CBR4: variants seen among roughly 807,000 people sequenced by gnomAD.
CBR4 encodes 3-oxoacyl-[acyl-carrier-protein] reductase.
In CBR4, 22 loss-of-function variants were observed where a neutral mutation model predicts 21.0. The ratio of observed to expected loss-of-function variants is 1.05; its 90% CI spans 0.75 to 1.50. The LOEUF (loss-of-function observed/expected upper bound fraction) is 1.50, where lower values mean the gene tolerates loss of function less well. Ranked by LOEUF, CBR4 falls within the 40% of genes most tolerant of loss-of-function variation. The pLI is 0.00. For missense variants in CBR4, 302 were observed against 286.3 expected, an observed-to-expected ratio of 1.05 and a Z score of -0.40; for synonymous variants, 100 against 104.4, an observed-to-expected ratio of 0.96 and a Z score of 0.26.
rs1193913979 is a variant in CBR4, at chr4:169,008,828, C to T, written c.143-1072G>A. The T allele has an allele frequency of 2.1e-5, 8 of 373,828 alleles. No homozygotes were observed. In the East Asian group the frequency reaches 3.6e-4, roughly 17 times the overall value. The allele number at this position is 373,828 out of a possible 1,614,324, so 23.2% of individuals were successfully genotyped here. A position where few individuals can be genotyped will look rare whatever the true frequency, so the allele number is the denominator to read the frequency against. On this transcript the variant is annotated intron_variant, in intron 1 of 4. Coordinates refer to ENST00000306193, the MANE Select transcript of CBR4 (RefSeq NM_032783.5). ...GAGCTTCAAGAAGCATTCACTGACACTCTCCCTGACCTATAACTTACAGAA... is the reference window on the plus strand; with the variant it reads ...GAGCTTCAAGAAGCATTCACTGACATTCTCCCTGACCTATAACTTACAGAA...
At chr4:168,954,960 G>A (rs181562155) in intron 2 of CBR4, among the ~76,000 whole-genome samples, 3 of 152,210 alleles carry the variant, frequency 2.0e-5, no homozygotes, top group African/African-American at 4.8e-5. Context: ...AGAATGGTTC[G>A]GAATTAATGA....
At chr4:168,981,889 G>C (rs900549595) in intron 2 of CBR4, among the ~76,000 whole-genome samples, 5 of 152,192 alleles carry the variant, frequency 3.3e-5, no homozygotes, top group African/African-American at 1.2e-4. Flanking sequence ...CACCAGGTCT[G>C]CCTTACAAGA....
intron 2 of CBR4, chr4:168,927,371 G>T (rs1762696402): frequency 4.3e-6 from 1 of 232,822 alleles, no homozygotes; most frequent in Admixed American, 5.6e-5. Flanking sequence ...GGAACCCAGG[G>T]CCAGCTGGAA....
intron 4 of CBR4, among the ~76,000 whole-genome samples, chr4:169,000,234 G>A (rs1348069987): frequency 1.3e-5 from 2 of 152,060 alleles, no homozygotes; most frequent in African/African-American, 2.4e-5. Context: ...AGAGAAAACA[G>A]TGCTAAGATA....
At chr4:168,913,590 T>C (rs1237664251) in intron 2 of CBR4, among the ~76,000 whole-genome samples, 1 of 152,112 alleles carries the variant, frequency 6.6e-6, no homozygotes, top group Non-Finnish European at 1.5e-5. Flanking sequence ...TCCTGCTATA[T>C]TTTACAATTC....
chr4:168,947,993 A>G (rs1763439612), intron 2 of CBR4, among the ~76,000 whole-genome samples: 1 of 152,236 alleles, frequency 6.6e-6, no homozygotes, highest in Non-Finnish European at 1.5e-5. Context: ...CATTCCCACC[A>G]GCAGTGTAGA....
At chr4:168,983,036 T>C (rs544225445), downstream of CBR4, among the ~76,000 whole-genome samples, 29 of 151,682 alleles carry the variant, frequency 1.9e-4, no homozygotes, top group African/African-American at 7.0e-4. Flanking sequence ...ACAAACCAAC[T>C]CCAAAGCTAG....
At chr4:168,992,770 G>GAT (rs544751810) in intron 4 of CBR4, among the ~76,000 whole-genome samples, 1 of 151,892 alleles carries the variant, frequency 6.6e-6, no homozygotes, top group Non-Finnish European at 1.5e-5. Context: ...GTCTACAACA[G>GAT]ATATATATAT....
At chr4:168,930,235 A>G (rs1300744371) in intron 2 of CBR4, among the ~76,000 whole-genome samples, 1 of 152,172 alleles carries the variant, frequency 6.6e-6, no homozygotes, top group Non-Finnish European at 1.5e-5. Flanking sequence ...TTATGCCTCC[A>G]TGAACATTAT....
intron 2 of CBR4, among the ~76,000 whole-genome samples, chr4:168,898,879 AT>A (rs1755838699): frequency 6.6e-6 from 1 of 152,236 alleles, no homozygotes; most frequent in Admixed American, 6.5e-5. Flanking sequence ...TTCAGGAGGC[AT>A]TAGAAACCAA....
intron 2 of CBR4, among the ~76,000 whole-genome samples, chr4:168,967,488 T>C (rs1025815570): frequency 4.6e-5 from 7 of 152,310 alleles, no homozygotes; most frequent in East Asian, 1.9e-4. Context: ...ACATGTACCC[T>C]AGAACTTAAA....
chr4:168,902,205 A>G, intron 2 of CBR4, among the ~76,000 whole-genome samples: 1 of 152,244 alleles, frequency 6.6e-6, no homozygotes. Flanking sequence ...ATACTGATTT[A>G]TATTAAGGAA....
chr4:168,948,047 T>C (rs1763441604), intron 2 of CBR4, among the ~76,000 whole-genome samples: 1 of 152,194 alleles, frequency 6.6e-6, no homozygotes, highest in Non-Finnish European at 1.5e-5. Context: ...CTACTGTTTT[T>C]TGATTTTTTC....
At chr4:168,902,925 C>T (rs72975241) in intron 2 of CBR4, among the ~76,000 whole-genome samples, 371 of 152,156 alleles carry the variant, frequency 2.4e-3, no homozygotes, top group African/African-American at 8.6e-3. Flanking sequence ...ACATGCACCA[C>T]CACACCCAGA....
At chr4:168,906,982 G>A (rs1173019459) in intron 2 of CBR4, among the ~76,000 whole-genome samples, 1 of 152,212 alleles carries the variant, frequency 6.6e-6, no homozygotes, top group Non-Finnish European at 1.5e-5. Flanking sequence ...GGCAGGCCAT[G>A]CAGTACAGGG....
At chr4:168,947,233 C>A (rs1276553562) in intron 2 of CBR4, among the ~76,000 whole-genome samples, 1 of 152,064 alleles carries the variant, frequency 6.6e-6, no homozygotes, top group Non-Finnish European at 1.5e-5. Flanking sequence ...TCTATAGTTT[C>A]TTTTAGTCTA....
chr4:168,904,069 T>A (rs1294016093), intron 2 of CBR4: 7 of 689,466 alleles, frequency 1.0e-5, no homozygotes, highest in Non-Finnish European at 1.5e-5. Flanking sequence ...ATAGAAAAAT[T>A]CTTTGTTTCA....
At chr4:168,957,792 A>C (rs567487860) in intron 2 of CBR4, among the ~76,000 whole-genome samples, 1 of 152,036 alleles carries the variant, frequency 6.6e-6, no homozygotes, top group Non-Finnish European at 1.5e-5. Context: ...CATAATCCCC[A>C]CATGTCGTGG....
chr4:168,986,786 A>T (rs1469720145), downstream of CBR4, among the ~76,000 whole-genome samples: 1 of 152,122 alleles, frequency 6.6e-6, no homozygotes, highest in Admixed American at 6.6e-5. Context: ...CTACAAAAAA[A>T]TATAAAAAAT....
Sources: allele counts gnomAD v4.1 joint callset (sites outside exome capture counted in the v4.1 genomes callset), GRCh38; gene constraint gnomAD v4.1.1; transcripts MANE v1.5; gene names NCBI Gene and HGNC (gene_info 2026-07-23, HGNC 2026-07-21).